SPAG9: variants seen among roughly 807,000 people sequenced by gnomAD.
SPAG9 encodes the protein C-Jun-amino-terminal kinase-interacting protein 4.
Under a neutral mutation model 166.5 loss-of-function variants are expected in SPAG9, and 35 were observed. The ratio of observed to expected loss-of-function variants is 0.21; its 90% CI spans 0.16 to 0.28. The LOEUF (loss-of-function observed/expected upper bound fraction) is 0.28, where lower values mean the gene tolerates loss of function less well. SPAG9 is among the 10% of genes least tolerant of loss of function. The pLI is 1.00. For missense variants in SPAG9, 1,235 were observed against 1,603.3 expected (o/e 0.77, Z 3.92); for synonymous variants, 534 against 565.5 (o/e 0.94, Z 0.79).
Position 51,005,356 on chromosome 17 carries a change from A to G in SPAG9, c.1425-93T>C, listed in dbSNP as rs760982238. 2.0e-5 allele frequency: 24 copies of G among 1,173,064 alleles called. 1 individual carries two copies. The South Asian group carries it at 2.1e-4, about 10-fold the overall frequency. The allele number at this position is 1,173,064 out of a possible 1,614,324, so 72.7% of individuals were successfully genotyped here. On this transcript the variant is annotated intron_variant, in intron 11 of 29. Coordinates refer to ENST00000262013, the MANE Select transcript of SPAG9 (RefSeq NM_001130528.3). ...TAGGTCAACAATTTTAACTACCACT[A>G]AAGGATTATTTTTCTTTTCCCAAAC...
intron 3 of SPAG9, among the ~76,000 whole-genome samples, chr17:51,048,656 T>C (rs1424725279): frequency 1.3e-5 from 2 of 152,180 alleles, no homozygotes; most frequent in African/African-American, 2.4e-5. Context: ...AGCTTGCTTT[T>C]GTTGTAGAAA....
intron 1 of SPAG9, among the ~76,000 whole-genome samples, chr17:51,104,308 A>G (rs12450083): frequency 0.31 from 46,504 of 152,020 alleles, 7,185 homozygotes; most frequent in Admixed American, 0.36. Context: ...ATGCCCAATG[A>G]GCACAGTATC....
At chr17:51,102,230 A>G (rs1043479408) in intron 1 of SPAG9, among the ~76,000 whole-genome samples, 4 of 151,690 alleles carry the variant, frequency 2.6e-5, no homozygotes, top group African/African-American at 2.4e-5. Context: ...AATACAAAAA[A>G]CATAAAATAC....
Position 51,079,699 on chromosome 17 carries a change from G to A in SPAG9, c.309C>T (p.Phe103=). 1 of 1,537,630 alleles carries A rather than the reference G, an allele frequency of 6.5e-7. No individual in the cohort carries two copies. Among genetic ancestry groups the A allele is most frequent in the Non-Finnish European group, 8.9e-7 (1 of 1,118,704 alleles). Residue 103 remains phenylalanine (F), a synonymous_variant, in exon 2 of 30, where the codon TTC becomes TTT. Transcript: ENST00000262013. ...KALRKHAEEK[F]IEFEDSQEQE... ...GTTCTTGAGAGTCTTCAAATTCAAT[G>A]AATTTCTAATAAAGAAGAACAATAT...
intron 27 of SPAG9, chr17:50,975,835 A>C (rs1447113051): frequency 6.6e-7 from 1 of 1,522,294 alleles, no homozygotes; most frequent in Non-Finnish European, 8.8e-7. Context: ...AGCCAGGAAG[A>C]AGAGTTTGGT....
At chr17:51,049,458 T>G (rs2047121934) in intron 3 of SPAG9, among the ~76,000 whole-genome samples, 1 of 152,122 alleles carries the variant, frequency 6.6e-6, no homozygotes, top group Admixed American at 6.5e-5. Flanking sequence ...GGAGGACTGC[T>G]TGAGCCCAGG....
intron 1 of SPAG9, among the ~76,000 whole-genome samples, chr17:51,108,617 G>A (rs868605701): frequency 8.6e-5 from 13 of 151,616 alleles, no homozygotes; most frequent in African/African-American, 2.4e-4. Context: ...CCACCTCAGC[G>A]TCTCAAGTAG....
chr17:51,096,827 C>T (rs1010161382), intron 1 of SPAG9, among the ~76,000 whole-genome samples: 1 of 152,194 alleles, frequency 6.6e-6, no homozygotes, highest in Admixed American at 6.5e-5. Flanking sequence ...CGTATTTGGT[C>T]TCTGACCCAG....
At position 50,982,550 on chromosome 17, in the gene SPAG9, C is replaced by G; in HGVS notation, c.3211G>C (p.Val1071Leu). 1 of 1,612,724 alleles carries G rather than the reference C, an allele frequency of 6.2e-7. No individual in the cohort carries two copies. Among genetic ancestry groups the G allele is most frequent in the South Asian group, 1.1e-5 (1 of 90,648 alleles). ...TCTATTTTCATGGCCTTTGGCTGCA[C>G]CACATAGATTTTGTTCCTATAGCCA... is the stretch of plus-strand genomic sequence containing the variant. ...WCGYRNKIYV[V>L]QPKAMKIEKS... Residue 1071 changes from valine (V) to leucine (L), a missense_variant, in exon 25 of 30, where the codon GTG (valine) becomes CTG (leucine). This residue lies in a region of SPAG9 where 243 missense variants were observed against 358.6 expected (regional missense o/e 0.68). Coordinates refer to ENST00000262013, the MANE Select transcript of SPAG9 (RefSeq NM_001130528.3).
chr17:51,022,693 A>C (rs34727725), intron 6 of SPAG9, among the ~76,000 whole-genome samples: 36,261 of 151,164 alleles, frequency 0.24, 5,200 homozygotes, highest in Admixed American at 0.34. Context: ...TCACGCCTGT[A>C]ATCCCAACAC....
intron 5 of SPAG9, among the ~76,000 whole-genome samples, chr17:51,033,935 C>T (rs773065962): frequency 1.3e-5 from 2 of 152,166 alleles, no homozygotes; most frequent in African/African-American, 4.8e-5. Context: ...CTTTAAACAC[C>T]GCCATTTTGA....
At position 50,990,574 on chromosome 17, in the gene SPAG9, G is replaced by A. The variant is rs755927662; in HGVS notation, c.2493C>T (p.Ser831=). The change falls in exon 20 of 30, where the codon AGC becomes AGT. Residue 831 remains serine, a synonymous_variant. Transcript: ENST00000262013. ...ASLCGSMTSN[S]SAETDSLLGG... Reference sequence around the variant, plus strand: ...CTAACAGGCTGTCTGTCTCTGCTGAGCTGTTGCTTGTCATACTTCCACATA... The same window carrying A: ...CTAACAGGCTGTCTGTCTCTGCTGAACTGTTGCTTGTCATACTTCCACATA... 2.5e-6 allele frequency: 4 copies of A among 1,614,170 alleles called. No individual in the cohort carries two copies. Among genetic ancestry groups the A allele is most frequent in the Non-Finnish European group, 3.4e-6 (4 of 1,180,004 alleles).
At chr17:50,992,904 T>C (rs115138771) in intron 19 of SPAG9, among the ~76,000 whole-genome samples, 4,704 of 151,890 alleles carry the variant, frequency 0.031, 249 homozygotes, top group African/African-American at 0.1. Context: ...GAGACCAACC[T>C]GGCCAATATG....
chr17:51,005,360 G>T, intron 11 of SPAG9, 97 bp from the exon 12 acceptor site: 2 of 1,144,310 alleles, frequency 1.7e-6, no homozygotes, highest in Non-Finnish European at 2.5e-6. Flanking sequence ...ACCACTAAAG[G>T]ATTATTTTTC....
intron 29 of SPAG9, 115 bp from the exon 30 acceptor site, chr17:50,966,502 C>T: frequency 1.4e-6 from 1 of 705,498 alleles, no homozygotes; most frequent in Non-Finnish European, 2.6e-6. Flanking sequence ...ACTTGTCTGA[C>T]TTTCACTGGA....
rs577410252 is a variant in SPAG9, at chr17:51,090,014, T to C, written c.304-10310A>G. 2.0e-5 allele frequency among the ~76,000 whole-genome samples: 3 copies of C among 152,094 alleles called. No individual in the cohort carries two copies. In the South Asian group the frequency reaches 6.2e-4, roughly 32 times the overall value. The stretch of plus-strand genomic sequence containing the variant: ...TTTTTAAAAAAGAGAGAAGTCATTT[T>C]AGCTTACTCTAAAAGGAATGGTTTG... On this transcript the variant is annotated intron_variant, in intron 1 of 29. Coordinates refer to ENST00000262013, the MANE Select transcript of SPAG9 (RefSeq NM_001130528.3).
intron 1 of SPAG9, among the ~76,000 whole-genome samples, chr17:51,089,601 T>C (rs1422423264): frequency 7.5e-6 from 1 of 132,802 alleles, no homozygotes; most frequent in Admixed American, 7.8e-5. Context: ...TTATTATATG[T>C]ATATATATAC....
At chr17:51,067,652 T>A (rs2047710360) in intron 2 of SPAG9, among the ~76,000 whole-genome samples, 1 of 150,884 alleles carries the variant, frequency 6.6e-6, no homozygotes, top group African/African-American at 2.4e-5. Context: ...GTTCATCCTA[T>A]CCCAAAACAA....
At chr17:51,050,521 G>A (rs781162791) in intron 3 of SPAG9, among the ~76,000 whole-genome samples, 6 of 152,126 alleles carry the variant, frequency 3.9e-5, no homozygotes, top group Non-Finnish European at 8.8e-5. Context: ...GACTCAGGCC[G>A]CCTTTGTACT....
Sources: gnomAD v4.1 joint callset for allele counts (sites outside exome capture counted in the v4.1 genomes callset) on GRCh38, gnomAD v4.1.1 for gene constraint, gnomAD v4.1.1 regional missense constraint, MANE v1.5 for transcripts, NCBI Gene and HGNC (gene_info 2026-07-23, HGNC 2026-07-21) for gene names.